The following ANO6 variants were observed in gnomAD, a reference collection of about 807,000 sequenced individuals.
The protein encoded by ANO6 is anoctamin-6.
A neutral mutation model predicts 117.5 loss-of-function variants in ANO6; 106 were observed. The observed-to-expected ratio is 0.90, with a 90% CI of 0.77 to 1.06. ANO6 has a LOEUF of 1.06. ANO6 is among the 50% of genes least tolerant of loss of function. ANO6 has a pLI of 0.00. For missense variants in ANO6, 955 were observed against 1,121.1 expected, an observed-to-expected ratio of 0.85 and a Z score of 2.12; for synonymous variants, 367 against 385.1, an observed-to-expected ratio of 0.95 and a Z score of 0.55.
chr12:45,422,334 C>G (rs932738938), intron 18 of ANO6, among the ~76,000 whole-genome samples: 2 of 151,998 alleles, frequency 1.3e-5, no homozygotes, highest in African/African-American at 2.4e-5. Flanking sequence ...TAAATATGAT[C>G]CCCAAAACAG....
intron 1 of ANO6, among the ~76,000 whole-genome samples, chr12:45,248,498 A>G (rs914822575): frequency 3.9e-4 from 54 of 139,264 alleles, no homozygotes; most frequent in African/African-American, 1.5e-3. Flanking sequence ...GAGTGGCATG[A>G]TCTCGGTTCA....
At chr12:45,226,984 C>CTTTTTTTTTT (rs906373347) in intron 1 of ANO6, among the ~76,000 whole-genome samples, 1 of 112,764 alleles carries the variant, frequency 8.9e-6, no homozygotes, top group Non-Finnish European at 1.9e-5. Flanking sequence ...TTATCATTTT[C>CTTTTTTTTTT]TTTTTTTTTT....
intron 16 of ANO6, among the ~76,000 whole-genome samples, chr12:45,411,126 G>A (rs901792047): frequency 2.0e-5 from 3 of 152,150 alleles, no homozygotes; most frequent in Admixed American, 6.5e-5. Flanking sequence ...AAATCCTGGG[G>A]CAGAATGTCA....
chr12:45,390,484 G>A lies in ANO6; in HGVS notation c.1372G>A (p.Ala458Thr). 1 of 1,613,514 alleles carries A rather than the reference G, an allele frequency of 6.2e-7. No homozygotes were observed. The highest frequency in any genetic ancestry group is 1.1e-5 in the South Asian group (1 of 90,950). ...KCIRITLCASAVFFWILLIIA... is the reference protein window; with the variant it reads ...KCIRITLCASTVFFWILLIIA... ...TATACGGATAACCCTCTGTGCCAGT[G>A]CTGTCTTTTTCTGGGTAATTCTATC... The change falls in exon 12 of 20, where the codon GCT becomes ACT. Residue 458 changes from alanine to threonine, a missense_variant. Coordinates refer to ENST00000320560, the MANE Select transcript of ANO6 (RefSeq NM_001025356.3).
chr12:45,241,032 G>A (rs1475181998), intron 1 of ANO6, among the ~76,000 whole-genome samples: 4 of 152,198 alleles, frequency 2.6e-5, no homozygotes, highest in Non-Finnish European at 4.4e-5. Context: ...TGTGTCTTGA[G>A]GTTGCTCTTC....
chr12:45,229,390 G>GT (rs11422062), intron 1 of ANO6, among the ~76,000 whole-genome samples: 118,536 of 127,216 alleles, frequency 0.93, 55,571 homozygotes, highest in South Asian at 0.98. Context: ...TTTATTTTTA[G>GT]TTTTTTTTTT....
At chr12:45,236,114 T>C (rs1947641294) in intron 1 of ANO6, among the ~76,000 whole-genome samples, 1 of 152,236 alleles carries the variant, frequency 6.6e-6, no homozygotes, top group Non-Finnish European at 1.5e-5. Context: ...TAACAGAATT[T>C]AGAAGACATC....
chr12:45,300,701 T>G, intron 1 of ANO6, among the ~76,000 whole-genome samples: 1 of 152,356 alleles, frequency 6.6e-6, no homozygotes, highest in Middle Eastern at 3.4e-3. Flanking sequence ...TTATTTAAAC[T>G]TACTTAAACA....
intron 17 of ANO6, among the ~76,000 whole-genome samples, chr12:45,420,638 T>A (rs11183021): frequency 0.055 from 8,293 of 151,412 alleles, 459 homozygotes; most frequent in East Asian, 0.31. Context: ...TAAGAAAAAA[T>A]TAAGATTTCT....
In ANO6 at chr12:45,431,862, T is replaced by C. The variant is rs1943640561; in HGVS notation, c.*2551T>C. 1.0e-6 allele frequency: 1 copy of C among 985,342 alleles called. No homozygotes were observed. The highest frequency in any genetic ancestry group is 6.2e-5 in the Admixed American group (1 of 16,260). The allele number at this position is 985,342 out of a possible 1,614,324, so 61.0% of individuals were successfully genotyped here. A position where few individuals can be genotyped will look rare whatever the true frequency, so the allele number is the denominator to read the frequency against. ...AGAGAAACTGAGCTTTATATCCTTT[T>C]TTAATGCCTGTGAATTTTAGCATAT... On this transcript the variant is annotated 3_prime_UTR_variant, in exon 20 of 20. Transcript: ENST00000320560.
intron 2 of ANO6, among the ~76,000 whole-genome samples, chr12:45,328,638 G>A (rs1044866552): frequency 4.6e-5 from 7 of 152,030 alleles, no homozygotes; most frequent in Admixed American, 2.0e-4. Context: ...AAATATTTAC[G>A]TAAAGGCTTT....
intron 10 of ANO6, among the ~76,000 whole-genome samples, chr12:45,386,299 C>G (rs989077258): frequency 1.3e-5 from 2 of 152,186 alleles, no homozygotes; most frequent in African/African-American, 4.8e-5. Context: ...AGATCTTCCT[C>G]CTATGTTGTA....
chr12:45,389,996 A>C (rs1468167434), intron 11 of ANO6, among the ~76,000 whole-genome samples: 2 of 152,220 alleles, frequency 1.3e-5, no homozygotes, highest in Non-Finnish European at 2.9e-5. Context: ...TTCAAAGTTA[A>C]TATATAAAGC....
intron 2 of ANO6, among the ~76,000 whole-genome samples, chr12:45,311,110 T>C (rs1456357947): frequency 6.6e-6 from 1 of 152,082 alleles, no homozygotes; most frequent in African/African-American, 2.4e-5. Flanking sequence ...GGAAAAAATG[T>C]ATTTAAATAC....
intron 1 of ANO6, among the ~76,000 whole-genome samples, chr12:45,227,451 T>C (rs1176850990): frequency 2.6e-5 from 4 of 152,140 alleles, no homozygotes; most frequent in Admixed American, 6.5e-5. Context: ...TCCCCTAGAA[T>C]TGATTGAATG....
chr12:45,411,053 G>A (rs1352646045), intron 16 of ANO6, among the ~76,000 whole-genome samples: 3 of 152,282 alleles, frequency 2.0e-5, no homozygotes, highest in East Asian at 3.9e-4. Context: ...ACAATTACCT[G>A]TTGTTCAAAA....
intron 15 of ANO6, among the ~76,000 whole-genome samples, chr12:45,404,303 A>G (rs1273632769): frequency 3.3e-5 from 5 of 152,158 alleles, no homozygotes; most frequent in South Asian, 2.1e-4. Context: ...GCCCTTTACA[A>G]TTTTCACTTA....
intron 4 of ANO6, 122 bp from the exon 5 acceptor site, chr12:45,347,906 C>G: frequency 1.1e-6 from 1 of 933,622 alleles, no homozygotes; most frequent in Non-Finnish European, 1.6e-6. Flanking sequence ...GTTATCTTCA[C>G]TTTTAGTGGT....
chr12:45,289,373 TGGTCAGGCTGATCTTGACCTCA>T (rs1393855179), intron 1 of ANO6, among the ~76,000 whole-genome samples: 2 of 152,098 alleles, frequency 1.3e-5, no homozygotes, highest in Non-Finnish European at 2.9e-5. Context: ...TTCACCATTT[TGGTCAGGCTGATCTTGACCTCA>T]GGTGATCCAC....
Sources: allele counts gnomAD v4.1 joint callset (sites outside exome capture counted in the v4.1 genomes callset), GRCh38; gene constraint gnomAD v4.1.1; transcripts MANE v1.5; gene names NCBI Gene and HGNC (gene_info 2026-07-23, HGNC 2026-07-21).